The following RGS6 variants were observed in gnomAD, a reference collection of about 807,000 sequenced individuals.
RGS6 encodes the protein regulator of G-protein signaling 6.
A neutral mutation model predicts 78.5 loss-of-function variants in RGS6; 30 were observed. The ratio of observed to expected loss-of-function variants is 0.38; its 90% confidence interval spans 0.29 to 0.52. The LOEUF (loss-of-function observed/expected upper bound fraction) is 0.52, where lower values mean the gene tolerates loss of function less well. Ranked by LOEUF, RGS6 falls within the 20% of genes least tolerant of loss-of-function variation. The pLI, the probability that RGS6 is intolerant of heterozygous loss-of-function variation, is 0.85. For synonymous variants in RGS6, 206 were observed against 206.0 expected (o/e 1.00, Z 0.00); for missense variants, 495 against 609.7 (o/e 0.81, Z 1.98).
chr14:72,046,940 T>G (rs1008091136), intron 2 of RGS6, among the ~76,000 whole-genome samples: 2 of 152,220 alleles, frequency 1.3e-5, no homozygotes, highest in African/African-American at 2.4e-5. Flanking sequence ...CTTCACATAA[T>G]AACACCTTTA....
At chr14:71,940,462 C>G (rs1291273442) in intron 1 of RGS6, among the ~76,000 whole-genome samples, 1 of 152,310 alleles carries the variant, frequency 6.6e-6, no homozygotes, top group East Asian at 1.9e-4. Context: ...TAGAAGTTTT[C>G]TGTTTGTGTA....
At chr14:72,569,844 G>A (rs1257301388), downstream of RGS6, among the ~76,000 whole-genome samples, 6 of 152,184 alleles carry the variant, frequency 3.9e-5, no homozygotes, top group African/African-American at 1.4e-4. Flanking sequence ...AAGAAACTGA[G>A]GCCTATAGTG....
At chr14:72,022,081 C>T (rs781310373) in intron 2 of RGS6, among the ~76,000 whole-genome samples, 1 of 152,158 alleles carries the variant, frequency 6.6e-6, no homozygotes, top group Non-Finnish European at 1.5e-5. Context: ...CAGCTCCATC[C>T]ATGTTCCCAC....
chr14:72,053,615 G>A (rs975238435), intron 2 of RGS6, among the ~76,000 whole-genome samples: 4 of 152,152 alleles, frequency 2.6e-5, no homozygotes, highest in African/African-American at 4.8e-5. Context: ...GAAAACCACC[G>A]CTAAGGGCTA....
the RGS6 span, among the ~76,000 whole-genome samples, chr14:71,901,308 C>G: frequency 6.6e-6 from 1 of 152,114 alleles, no homozygotes; most frequent in Admixed American, 6.5e-5. Flanking sequence ...TTGGTTCTAC[C>G]ACAAACCAGT....
intron 2 of RGS6, among the ~76,000 whole-genome samples, chr14:72,300,818 G>A (rs529290081): frequency 7.9e-4 from 120 of 152,274 alleles, no homozygotes; most frequent in Non-Finnish European, 1.6e-3. Flanking sequence ...GACTTCTTCT[G>A]TGAGTCAAGC....
intron 2 of RGS6, among the ~76,000 whole-genome samples, chr14:72,082,129 T>C (rs998752697): frequency 2.0e-5 from 3 of 152,034 alleles, no homozygotes; most frequent in African/African-American, 7.2e-5. Flanking sequence ...TAGGGGCTAT[T>C]TGGGGTCTTT....
intron 2 of RGS6, among the ~76,000 whole-genome samples, chr14:71,982,211 G>A (rs957141986): frequency 6.6e-6 from 1 of 152,162 alleles, no homozygotes; most frequent in Admixed American, 6.5e-5. Flanking sequence ...AGATGAACCC[G>A]GTACCTCAGA....
intron 2 of RGS6, among the ~76,000 whole-genome samples, chr14:72,171,894 A>G (rs1364224750): frequency 1.3e-4 from 20 of 152,192 alleles, no homozygotes; most frequent in Admixed American, 1.3e-3. Flanking sequence ...AGACACAGAA[A>G]TTAAGTAACT....
At chr14:71,956,355 GTGTA>G (rs1316614730) in intron 1 of RGS6, among the ~76,000 whole-genome samples, 1 of 126,584 alleles carries the variant, frequency 7.9e-6, no homozygotes, top group African/African-American at 2.9e-5. Context: ...GTGTGTGTGT[GTGTA>G]TATTCTATTT....
chr14:72,540,201 G>A (rs2097305482), intron 17 of RGS6, 107 bp downstream of exon 17: 1 of 1,510,902 alleles, frequency 6.6e-7, no homozygotes, highest in African/African-American at 1.4e-5. Context: ...TTTGGGGTGG[G>A]AGGGAGTCCA....
the RGS6 span, among the ~76,000 whole-genome samples, chr14:71,871,778 C>T: frequency 7.2e-5 from 11 of 152,112 alleles, no homozygotes; most frequent in African/African-American, 2.7e-4. Context: ...CCAAGATCTT[C>T]GTCATCTCAC....
Position 72,212,884 on chromosome 14 carries a change from C to T in RGS6, c.85-139211C>T, listed in dbSNP as rs369270632. 5.9e-5 allele frequency among the ~76,000 whole-genome samples: 9 copies of T among 152,206 alleles called. No individual in the cohort carries two copies. The East Asian group carries it at 1.7e-3, about 29-fold the overall frequency. ...AGAGGAACAGGGCAACTTCCTGACTCTTTTACGTCACTTTCTGAAAGGAAA... is the reference window on the plus strand; with the variant it reads ...AGAGGAACAGGGCAACTTCCTGACTTTTTTACGTCACTTTCTGAAAGGAAA... On this transcript the variant is annotated intron_variant, in intron 2 of 17. Transcript: ENST00000553525.
chr14:72,121,101 T>C (rs2096039305), intron 2 of RGS6, among the ~76,000 whole-genome samples: 1 of 152,124 alleles, frequency 6.6e-6, no homozygotes. Context: ...CTCAGAGTCA[T>C]CCTCCTCTTC....
chr14:72,369,968 A>G (rs1459802581), intron 3 of RGS6, among the ~76,000 whole-genome samples: 1 of 152,054 alleles, frequency 6.6e-6, no homozygotes, highest in African/African-American at 2.4e-5. Flanking sequence ...ATTTTTTCAG[A>G]TTTTTTTCTC....
intron 3 of RGS6, among the ~76,000 whole-genome samples, chr14:72,402,231 A>G (rs1206299323): frequency 6.6e-6 from 1 of 152,240 alleles, no homozygotes; most frequent in Non-Finnish European, 1.5e-5. Flanking sequence ...ACAGAAAGGT[A>G]GTGTTTCTGG....
intron 12 of RGS6, among the ~76,000 whole-genome samples, chr14:72,485,961 A>G (rs144418894): frequency 3.4e-3 from 514 of 152,272 alleles, no homozygotes; most frequent in Admixed American, 5.6e-3. Context: ...CCCAAATCTC[A>G]TCTTGAATTG....
chr14:72,154,032 C>T (rs887628985), intron 2 of RGS6, among the ~76,000 whole-genome samples: 18 of 152,048 alleles, frequency 1.2e-4, no homozygotes, highest in Admixed American at 3.3e-4. Flanking sequence ...ATTCCCAGAG[C>T]GGCCGTTTAT....
chr14:72,157,719 A>G (rs766794876), intron 2 of RGS6, among the ~76,000 whole-genome samples: 1 of 152,186 alleles, frequency 6.6e-6, no homozygotes, highest in East Asian at 1.9e-4. Context: ...TGCACTTGGC[A>G]GTCATGTGTG....
Sources: allele counts gnomAD v4.1 joint callset (sites outside exome capture counted in the v4.1 genomes callset), GRCh38; gene constraint gnomAD v4.1.1; transcripts MANE v1.5; gene names NCBI Gene and HGNC (gene_info 2026-07-23, HGNC 2026-07-21).